The following SEMA5A variants were observed in gnomAD, a reference collection of about 807,000 sequenced individuals.
SEMA5A encodes the protein semaphorin 5A.
In SEMA5A, 55 loss-of-function variants were observed where a neutral mutation model predicts 135.5. That is an observed-to-expected ratio of 0.41 (90% CI 0.33 to 0.51). The LOEUF (loss-of-function observed/expected upper bound fraction) is 0.51. SEMA5A is among the 20% of genes least tolerant of loss of function. The pLI, the probability that SEMA5A is intolerant of heterozygous loss-of-function variation, is 0.37. For missense variants in SEMA5A, 1,290 were observed against 1,419.9 expected, an observed-to-expected ratio of 0.91 and a Z score of 1.47; for synonymous variants, 580 against 546.5, an observed-to-expected ratio of 1.06 and a Z score of -0.85.
At position 9,456,795 on chromosome 5, in the gene SEMA5A, T is replaced by C. The variant is rs559387045; in HGVS notation, c.-174-18943A>G. ...AAGCACTGGCTCTCAGCAGACATCA[T>C]TTTAAAGAACCATTTGGAAATTGCC... On this transcript the variant is annotated intron_variant, in intron 1 of 22. Transcript: ENST00000382496. Among the ~76,000 whole-genome samples, 73 of 152,330 alleles carry C rather than the reference T, an allele frequency of 4.8e-4. No individual in the cohort carries two copies. In the Middle Eastern group the frequency reaches 0.014, roughly 28 times the overall value.
chr5:9,044,606 G>A, intron 21 of SEMA5A, 22 bp from the exon 22 acceptor site: 1 of 1,598,626 alleles, frequency 6.3e-7, no homozygotes, highest in South Asian at 1.1e-5. Context: ...TGAGCAAAGT[G>A]ATGCCACACT....
intron 1 of SEMA5A, among the ~76,000 whole-genome samples, chr5:9,521,494 AAAT>A (rs33968638): frequency 0.49 from 74,050 of 151,842 alleles, 18,264 homozygotes; most frequent in Middle Eastern, 0.53. Flanking sequence ...CTCTATCTAG[AAAT>A]AATGATTCCA....
intron 2 of SEMA5A, among the ~76,000 whole-genome samples, chr5:9,413,545 C>T (rs907910239): frequency 3.3e-5 from 5 of 152,236 alleles, no homozygotes; most frequent in Middle Eastern, 3.4e-3. Flanking sequence ...AAAGACCTTA[C>T]GCCTTAAAAT....
intron 5 of SEMA5A, among the ~76,000 whole-genome samples, chr5:9,251,962 TA>T (rs1748817654): frequency 6.6e-6 from 1 of 152,158 alleles, no homozygotes; most frequent in Non-Finnish European, 1.5e-5. Flanking sequence ...ACTGAGCTTT[TA>T]AATGGATGGC....
At chr5:9,109,027 AATTTTTT>A (rs1740083770) in intron 15 of SEMA5A, among the ~76,000 whole-genome samples, 7 of 118,924 alleles carry the variant, frequency 5.9e-5, no homozygotes, top group Admixed American at 5.7e-4. Flanking sequence ...ATTTCTCTTC[AATTTTTT>A]TTTTTTTTTT....
intron 2 of SEMA5A, among the ~76,000 whole-genome samples, chr5:9,404,778 C>T (rs1304118278): frequency 1.3e-5 from 2 of 152,166 alleles, no homozygotes; most frequent in East Asian, 1.9e-4. Context: ...AATGCAGCCA[C>T]TAGTGAATAA....
At chr5:9,267,844 A>T (rs767679765) in intron 5 of SEMA5A, among the ~76,000 whole-genome samples, 16 of 152,158 alleles carry the variant, frequency 1.1e-4, no homozygotes, top group Non-Finnish European at 2.4e-4. Context: ...TTAAATTGGC[A>T]GCTGGGTACA....
At chr5:9,275,116 T>A (rs1374402407) in intron 5 of SEMA5A, among the ~76,000 whole-genome samples, 2 of 151,556 alleles carry the variant, frequency 1.3e-5, no homozygotes, top group African/African-American at 4.9e-5. Context: ...GAGAGAAGAA[T>A]CAAGTAGATG....
rs570090049 is a variant in SEMA5A, at chr5:9,379,787, T to C, written c.124+36A>G. Reference sequence around the variant, plus strand: ...ACTAAACACAGAATGTGCATTTAGATGACGGCTTTGCAATCAGTGCGTGCT... The same window carrying C: ...ACTAAACACAGAATGTGCATTTAGACGACGGCTTTGCAATCAGTGCGTGCT... On this transcript the variant is annotated intron_variant, in intron 3 of 22. Transcript: ENST00000382496. 17 of 1,602,270 alleles carry C rather than the reference T, an allele frequency of 1.1e-5. No homozygotes were observed. The South Asian group carries it at 1.5e-4, about 15-fold the overall frequency.
chr5:9,488,271 G>T, intron 1 of SEMA5A, among the ~76,000 whole-genome samples: 1 of 152,078 alleles, frequency 6.6e-6, no homozygotes, highest in East Asian at 1.9e-4. Flanking sequence ...TGTAAAATTG[G>T]TCTAGATTGG....
At chr5:9,094,561 G>A (rs1302964731) in intron 16 of SEMA5A, among the ~76,000 whole-genome samples, 1 of 152,214 alleles carries the variant, frequency 6.6e-6, no homozygotes, top group East Asian at 1.9e-4. Context: ...GTCTGCCTCT[G>A]CCATTTTGTA....
intron 3 of SEMA5A, among the ~76,000 whole-genome samples, chr5:9,347,554 T>C (rs1024121478): frequency 6.6e-6 from 1 of 152,176 alleles, no homozygotes; most frequent in Non-Finnish European, 1.5e-5. Context: ...TTTTTTCTTT[T>C]CTTTTTTTTT....
chr5:9,232,269 T>C (rs1429497251), intron 6 of SEMA5A, among the ~76,000 whole-genome samples: 1 of 152,188 alleles, frequency 6.6e-6, no homozygotes, highest in Non-Finnish European at 1.5e-5. Context: ...CCACTAATTT[T>C]AGGGAGGAAA....
At chr5:9,413,888 G>A (rs575559582) in intron 2 of SEMA5A, among the ~76,000 whole-genome samples, 52 of 152,178 alleles carry the variant, frequency 3.4e-4, no homozygotes, top group African/African-American at 1.2e-3. Flanking sequence ...AAAGTTTATC[G>A]CTGGTCCTTT....
At chr5:9,503,269 A>G (rs907522099) in intron 1 of SEMA5A, among the ~76,000 whole-genome samples, 2 of 152,186 alleles carry the variant, frequency 1.3e-5, no homozygotes, top group Admixed American at 6.5e-5. Context: ...CCTTAGGAAC[A>G]CAGACCATGA....
At chr5:9,265,688 C>A in intron 5 of SEMA5A, 1 of 396,036 alleles carries the variant, frequency 2.5e-6, no homozygotes, top group Non-Finnish European at 5.1e-6. Flanking sequence ...CAAGCAACTT[C>A]TGAGGTCTGC....
At chr5:9,127,502 G>T (rs1030326704) in intron 13 of SEMA5A, among the ~76,000 whole-genome samples, 11 of 152,118 alleles carry the variant, frequency 7.2e-5, no homozygotes, top group Non-Finnish European at 1.0e-4. Context: ...TACCTGTCCT[G>T]CAGCTGCCCA....
chr5:9,198,372 C>T (rs1745529365), intron 9 of SEMA5A, among the ~76,000 whole-genome samples: 1 of 152,162 alleles, frequency 6.6e-6, no homozygotes, highest in African/African-American at 2.4e-5. Flanking sequence ...CAAGACCCTT[C>T]CCCAATGTCA....
chr5:9,293,015 T>C (rs1328965496), intron 5 of SEMA5A, among the ~76,000 whole-genome samples: 1 of 152,246 alleles, frequency 6.6e-6, no homozygotes, highest in Non-Finnish European at 1.5e-5. Flanking sequence ...GCGTTTCTTC[T>C]GCCCTGATCA....
Sources: allele counts gnomAD v4.1 joint callset (sites outside exome capture counted in the v4.1 genomes callset), GRCh38; gene constraint gnomAD v4.1.1; transcripts MANE v1.5; gene names NCBI Gene and HGNC (gene_info 2026-07-23, HGNC 2026-07-21).